BMP1: variants seen among roughly 807,000 people sequenced by gnomAD.
The protein encoded by BMP1 is mammalian tolloid protein.
A neutral mutation model predicts 116.8 loss-of-function variants in BMP1; 63 were observed. That is an observed-to-expected ratio of 0.54 (90% CI 0.44 to 0.67). The LOEUF is 0.67. Ranked by LOEUF, BMP1 falls within the 30% of genes least tolerant of loss-of-function variation. BMP1 has a pLI of 0.00. For missense variants in BMP1, 1,183 were observed against 1,358.9 expected, an observed-to-expected ratio of 0.87 and a Z score of 2.04; for synonymous variants, 536 against 533.4, an observed-to-expected ratio of 1.00 and a Z score of -0.07.
chr8:22,211,522 G>C (rs1231513232), intron 19 of BMP1, 72 bp from the exon 20 acceptor site: 1 of 1,599,570 alleles, frequency 6.3e-7, no homozygotes, highest in African/African-American at 1.3e-5. Context: ...TCAAAGCTGG[G>C]GATCTTGGGG....
At chr8:22,205,317 C>CA (rs1829332220) in intron 16 of BMP1, among the ~76,000 whole-genome samples, 1 of 152,068 alleles carries the variant, frequency 6.6e-6, no homozygotes. Flanking sequence ...AGGCTGGAGC[C>CA]ACAGGTGGAG....
In BMP1 at chr8:22,165,386, C is replaced by T. The variant is rs890529101; in HGVS notation, c.-20C>T. 70 of 1,434,028 alleles carry T rather than the reference C, an allele frequency of 4.9e-5. No homozygotes were observed. Among genetic ancestry groups the T allele is most frequent in the Non-Finnish European group, 6.0e-5 (66 of 1,099,858 alleles). 88.8% of individuals were successfully genotyped at this position (1,434,028 alleles called of 1,614,324 possible). ...CCCTGGCCTCCAGTGCGCCGCTTCC[C>T]TCGCCGCCGCCCCGCCAGCATGCCC... is the stretch of plus-strand genomic sequence containing the variant. On this transcript the variant is annotated 5_prime_UTR_variant, in exon 1 of 20. Coordinates refer to ENST00000306385, the MANE Select transcript of BMP1 (RefSeq NM_006129.5).
intron 16 of BMP1, among the ~76,000 whole-genome samples, chr8:22,204,105 CT>C (rs978915022): frequency 6.6e-6 from 1 of 152,234 alleles, no homozygotes; most frequent in African/African-American, 2.4e-5. Context: ...AGGAACCCCT[CT>C]GTTCCCACGG....
Position 22,194,518 on chromosome 8 carries a change from C to T in BMP1, c.1371C>T (p.Pro457=). ...CCAACTACCCAGACGATTACCGGCC[C>T]AGCAAAGTCTGCATCTGGCGGATCC... ...QSPNYPDDYR[P]SKVCIWRIQV... Residue 457 remains proline, a synonymous_variant, in exon 11 of 20, where the codon CCC becomes CCT. Transcript: ENST00000306385. The surrounding 1 kb of genome is among the most constrained non-coding windows in gnomAD (Gnocchi z 4.5). The T allele has an allele frequency of 6.2e-7, 1 of 1,614,206 alleles. No homozygotes were observed. Among genetic ancestry groups the T allele is most frequent in the Non-Finnish European group, 8.5e-7 (1 of 1,180,030 alleles).
In BMP1 at chr8:22,194,007, T is replaced by C; in HGVS notation, c.1181-51T>C. The C allele has an allele frequency of 5.4e-6, 8 of 1,484,418 alleles. No individual in the cohort carries two copies. Among genetic ancestry groups the C allele is most frequent in the East Asian group, 2.3e-5 (1 of 44,128 alleles). 92.0% of individuals were successfully genotyped at this position (1,484,418 alleles called of 1,614,324 possible). A position where few individuals can be genotyped will look rare whatever the true frequency, so the allele number is the denominator to read the frequency against. Reference sequence around the variant, plus strand: ...GCCTCCTGGAGAGGTGGGGCCTCTATAGGGGGTGTCCTCAGGGTTCACCAC... The same window carrying C: ...GCCTCCTGGAGAGGTGGGGCCTCTACAGGGGGTGTCCTCAGGGTTCACCAC... On this transcript the variant is annotated intron_variant, in intron 9 of 19. Transcript: ENST00000306385. This position sits in a 1 kb window ranked among gnomAD's most constrained non-coding sequence, Gnocchi z 4.5.
intron 8 of BMP1, among the ~76,000 whole-genome samples, chr8:22,184,547 C>G (rs1828712181): frequency 6.6e-6 from 1 of 152,194 alleles, no homozygotes; most frequent in African/African-American, 2.4e-5. Flanking sequence ...GTAAGGGAAG[C>G]CAAGTGGCAC....
chr8:22,184,901 A>C (rs1828722982), intron 8 of BMP1, among the ~76,000 whole-genome samples: 1 of 152,214 alleles, frequency 6.6e-6, no homozygotes. Flanking sequence ...TTTGCCGTCT[A>C]TTTTGGCTGT....
At position 22,173,849 on chromosome 8, in the gene BMP1, T is replaced by C. The variant is rs1828354172; in HGVS notation, c.262+134T>C. 8.7e-6 allele frequency: 5 copies of C among 577,794 alleles called. No individual in the cohort carries two copies. The South Asian group carries it at 1.3e-4, about 14-fold the overall frequency. The allele number at this position is 577,794 out of a possible 1,614,324, so 35.8% of individuals were successfully genotyped here. A position where few individuals can be genotyped will look rare whatever the true frequency, so the allele number is the denominator to read the frequency against. ...AGTTTGACCCCAGCACATGGGTCTA[T>C]CTTCCCTCGGGATATCTTCATCCCT... is the stretch of plus-strand genomic sequence containing the variant. On this transcript the variant is annotated intron_variant, in intron 2 of 19. Transcript: ENST00000306385.
At chr8:22,173,756 G>T in intron 2 of BMP1, 41 bp downstream of exon 2, 1 of 1,514,754 alleles carries the variant, frequency 6.6e-7, no homozygotes, top group South Asian at 1.2e-5. Context: ...CCTAGAAATG[G>T]GTTCCAGGCT....
Position 22,197,287 on chromosome 8 carries a change from C to G in BMP1, c.1974C>G (p.Asp658Glu). The change falls in exon 15 of 20, where the codon GAC (aspartate) becomes GAG (glutamate). Residue 658 changes from aspartate (D) to glutamate (E), a missense_variant. Coordinates refer to ENST00000306385, the MANE Select transcript of BMP1 (RefSeq NM_006129.5). ...AGGTGCGCAGTGGACTCACAGCTGA[C>G]TCCAAGCTGCATGGCAAGTTCTGTG... is the stretch of plus-strand genomic sequence containing the variant. ...FVEVRSGLTADSKLHGKFCGS... is the reference protein window; with the variant it reads ...FVEVRSGLTAESKLHGKFCGS... 1 of 1,613,992 alleles carries G rather than the reference C, an allele frequency of 6.2e-7. No homozygotes were observed. Among genetic ancestry groups the G allele is most frequent in the Non-Finnish European group, 8.5e-7 (1 of 1,179,884 alleles).
At chr8:22,210,153 C>T (rs972200933) in intron 19 of BMP1, among the ~76,000 whole-genome samples, 3 of 152,250 alleles carry the variant, frequency 2.0e-5, no homozygotes. Flanking sequence ...ATTTCCTCTA[C>T]CAGTTTCTCC....
In BMP1 at chr8:22,165,632, A is replaced by G. The variant is rs547431045; in HGVS notation, c.148+79A>G. 1.1e-4 allele frequency: 152 copies of G among 1,380,692 alleles called. No homozygotes were observed. The East Asian group carries it at 4.2e-3, about 39-fold the overall frequency. The allele number at this position is 1,380,692 out of a possible 1,614,324, so 85.5% of individuals were successfully genotyped here. ...TTCGGGCTTGGGGTTGGGGGAGGAC[A>G]GTCCAGTGTGGGAAGCCGGGAGCTG... On this transcript the variant is annotated intron_variant, in intron 1 of 19. Coordinates refer to ENST00000306385, the MANE Select transcript of BMP1 (RefSeq NM_006129.5).
intron 8 of BMP1, among the ~76,000 whole-genome samples, chr8:22,184,986 A>G (rs1033924324): frequency 6.6e-6 from 1 of 152,218 alleles, no homozygotes; most frequent in Non-Finnish European, 1.5e-5. Context: ...AAATCTTGCC[A>G]TATATAATTG....
chr8:22,173,683 A>T lies in BMP1; in HGVS notation c.230A>T (p.His77Leu). Residue 77 changes from histidine (H) to leucine (L), a missense_variant, in exon 2 of 20, where the codon CAC (histidine) becomes CTC (leucine). His to Leu is a moderately conservative substitution (Grantham distance 99). This residue lies in a region of BMP1 where 185 missense variants were observed against 158.9 expected (regional missense o/e 1.16). Coordinates refer to ENST00000306385, the MANE Select transcript of BMP1 (RefSeq NM_006129.5). ...QVQQAVDLRR[H>L]TARKSSIKAA... ...CAGCAGGCTGTGGATCTCAGACGGC[A>T]CACAGCTCGTAAGTCCTCCATCAAA... 6.2e-7 allele frequency: 1 copy of T among 1,613,644 alleles called. No homozygotes were observed. The highest frequency in any genetic ancestry group is 8.5e-7 in the Non-Finnish European group (1 of 1,179,694).
At chr8:22,191,492 C>T (rs1013629498) in intron 8 of BMP1, among the ~76,000 whole-genome samples, 39 of 152,304 alleles carry the variant, frequency 2.6e-4, no homozygotes, top group African/African-American at 8.7e-4. Flanking sequence ...AATCCCAGCA[C>T]TTTGGGAGGC....
At chr8:22,188,174 T>G (rs1349221095) in intron 8 of BMP1, among the ~76,000 whole-genome samples, 3 of 147,550 alleles carry the variant, frequency 2.0e-5, no homozygotes, top group Admixed American at 6.7e-5. Context: ...TTTCCAGTTT[T>G]GGGTTTTTTT....
rs531190156 is a variant in BMP1, at chr8:22,201,944, CA to C, written c.2233+17del. 3.8e-4 allele frequency: 612 copies of C among 1,604,494 alleles called. 3 individuals carry two copies. The Middle Eastern group carries it at 7.3e-3, about 19-fold the overall frequency. On this transcript the variant is annotated intron_variant, in intron 16 of 19. Coordinates refer to ENST00000306385, the MANE Select transcript of BMP1 (RefSeq NM_006129.5). ...TGCAAAGAAGGTACGGGCTGCATGCCAGGGGCATCTGGGCTTGAAGGACCTG... is the reference window on the plus strand; with the variant it reads ...TGCAAAGAAGGTACGGGCTGCATGCCGGGGCATCTGGGCTTGAAGGACCTG...
chr8:22,169,580 C>T (rs139287979), intron 1 of BMP1: 1 of 152,264 alleles, frequency 6.6e-6, no homozygotes, highest in Admixed American at 6.5e-5. Flanking sequence ...GGCAAACATG[C>T]ACCTCTGCAG....
At chr8:22,192,343 C>T (rs2131879277) in intron 9 of BMP1, 192 bp downstream of exon 9, 2 of 529,298 alleles carry the variant, frequency 3.8e-6, no homozygotes, top group South Asian at 4.1e-5. Flanking sequence ...CAGGCAAGTC[C>T]TGTCCTCAAT....
Sources: allele counts gnomAD v4.1 joint callset (sites outside exome capture counted in the v4.1 genomes callset), GRCh38; gene constraint gnomAD v4.1.1; regional missense constraint gnomAD v4.1.1; non-coding constraint Gnocchi (gnomAD v3.1); transcripts MANE v1.5; gene names NCBI Gene and HGNC (gene_info 2026-07-23, HGNC 2026-07-21).